The following RBPMS variants were observed in gnomAD, a reference collection of about 807,000 sequenced individuals.
RBPMS encodes the protein RNA binding protein, mRNA processing factor.
RBPMS carries 7 observed loss-of-function variants against 26.8 expected under a neutral mutation model. The ratio of observed to expected loss-of-function variants is 0.26; its 90% confidence interval spans 0.15 to 0.49. The LOEUF (loss-of-function observed/expected upper bound fraction) is 0.49. Ranked by LOEUF, RBPMS falls within the 20% of genes least tolerant of loss-of-function variation. The pLI is 0.98. For synonymous variants in RBPMS, 96 were observed against 93.3 expected, an observed-to-expected ratio of 1.03 and a Z score of -0.17; for missense variants, 186 against 250.0, an observed-to-expected ratio of 0.74 and a Z score of 1.73.
chr8:30,518,686 A>ATTTTTTTTTTTT (rs1563402271), intron 5 of RBPMS, among the ~76,000 whole-genome samples: 1 of 8,106 alleles, frequency 1.2e-4, no homozygotes. Context: ...GCCAAGCATG[A>ATTTTTTTTTTTT]CTTTTTTTTT....
chr8:30,514,985 C>A (rs549720595), intron 5 of RBPMS, among the ~76,000 whole-genome samples: 5 of 151,934 alleles, frequency 3.3e-5, no homozygotes, highest in Admixed American at 2.6e-4. Flanking sequence ...TTTTAAAAAT[C>A]TTTTTTAGTT....
intron 1 of RBPMS, among the ~76,000 whole-genome samples, chr8:30,423,776 C>T (rs1411642214): frequency 2.6e-5 from 4 of 151,294 alleles, no homozygotes; most frequent in African/African-American, 4.9e-5. Flanking sequence ...CAGGATGGTG[C>T]GGGGGTTTAA....
chr8:30,540,008 G>T (rs79744572), intron 5 of RBPMS, among the ~76,000 whole-genome samples: 64 of 152,156 alleles, frequency 4.2e-4, no homozygotes, highest in Non-Finnish European at 7.6e-4. Flanking sequence ...TGCCGTCCAG[G>T]AGGTAACTGC....
At chr8:30,461,799 G>A (rs1220662027) in intron 1 of RBPMS, among the ~76,000 whole-genome samples, 1 of 152,158 alleles carries the variant, frequency 6.6e-6, no homozygotes, top group African/African-American at 2.4e-5. Context: ...CAATCAAGAA[G>A]TTGATATAAT....
intron 1 of RBPMS, among the ~76,000 whole-genome samples, chr8:30,459,541 C>CTGGT (rs1294125020): frequency 6.6e-6 from 1 of 152,160 alleles, no homozygotes; most frequent in Non-Finnish European, 1.5e-5. Flanking sequence ...GTCTTCCCAC[C>CTGGT]TGGTGTTCGG....
chr8:30,414,713 A>G (rs1554508101), intron 1 of RBPMS, among the ~76,000 whole-genome samples: 1 of 151,870 alleles, frequency 6.6e-6, no homozygotes, highest in Non-Finnish European at 1.5e-5. Context: ...TTTTTTTCTG[A>G]TTAATAATAA....
At chr8:30,555,840 G>A (rs1243933342) in intron 6 of RBPMS, 16 of 978,330 alleles carry the variant, frequency 1.6e-5, no homozygotes, top group Admixed American at 6.1e-5. Flanking sequence ...CAAGCAGCCC[G>A]AATGGGGCTA....
At chr8:30,477,943 T>A (rs991929510) in intron 3 of RBPMS, 106 bp downstream of exon 3, 14 of 777,958 alleles carry the variant, frequency 1.8e-5, no homozygotes, top group Middle Eastern at 2.5e-4. Context: ...TGAGGGGTTT[T>A]TTGTCTTTAA....
At chr8:30,416,454 C>T (rs1484337652) in intron 1 of RBPMS, among the ~76,000 whole-genome samples, 2 of 151,776 alleles carry the variant, frequency 1.3e-5, no homozygotes, top group African/African-American at 4.8e-5. Flanking sequence ...GTCTCAGCCT[C>T]CCTAGTAACA....
intron 5 of RBPMS, among the ~76,000 whole-genome samples, chr8:30,518,034 T>C (rs1822539312): frequency 6.6e-6 from 1 of 152,212 alleles, no homozygotes; most frequent in Non-Finnish European, 1.5e-5. Context: ...TTAGGAAATC[T>C]AGATACCATT....
chr8:30,553,495 G>A (rs989765212), intron 6 of RBPMS: 2 of 152,256 alleles, frequency 1.3e-5, no homozygotes, highest in African/African-American at 2.4e-5. Context: ...AGAGCTTGCT[G>A]TAATGGCCTA....
intron 4 of RBPMS, among the ~76,000 whole-genome samples, chr8:30,487,887 T>G (rs1563366758): frequency 6.6e-6 from 1 of 152,144 alleles, no homozygotes; most frequent in East Asian, 1.9e-4. Flanking sequence ...GATAACATTT[T>G]GAAAAACCAA....
intron 5 of RBPMS, among the ~76,000 whole-genome samples, chr8:30,539,445 T>C (rs1055909814): frequency 2.0e-5 from 3 of 152,142 alleles, no homozygotes; most frequent in African/African-American, 7.2e-5. Flanking sequence ...TTATAAGTTA[T>C]CTGTGAGACC....
intron 1 of RBPMS, among the ~76,000 whole-genome samples, chr8:30,418,600 G>T (rs1290463144): frequency 1.3e-5 from 2 of 151,684 alleles, no homozygotes; most frequent in East Asian, 1.9e-4. Context: ...ATTTTTCGAG[G>T]CAGGGTCTCA....
rs754816373 is a variant in RBPMS at position 30,547,301 on chromosome 8, C to G, written c.528+2677C>G. 47 of 1,604,240 alleles carry G rather than the reference C, an allele frequency of 2.9e-5. 2 individuals carry two copies. In the South Asian group the frequency reaches 5.1e-4, roughly 17 times the overall value. On this transcript the variant is annotated intron_variant, in intron 6 of 8. Coordinates refer to ENST00000397323, the MANE Select transcript of RBPMS (RefSeq NM_001008710.3). ...TTTTTTTTTCTTCTAGTGTTTCTCT[C>G]CTGAGGCAAAGCCCAACACACCTGT...
intron 1 of RBPMS, among the ~76,000 whole-genome samples, chr8:30,463,788 C>T (rs1227830083): frequency 2.0e-5 from 3 of 152,188 alleles, no homozygotes; most frequent in Admixed American, 6.5e-5. Context: ...ATTTGAATCC[C>T]AGCAGACTCC....
chr8:30,564,831 GC>G (rs1487361611), intron 7 of RBPMS: 1 of 147,820 alleles, frequency 6.8e-6, no homozygotes, highest in Non-Finnish European at 1.5e-5. Context: ...ACCTCCCCCC[GC>G]CCAGGTAAAC....
chr8:30,393,026 C>G (rs926085999), intron 1 of RBPMS, among the ~76,000 whole-genome samples: 2 of 151,790 alleles, frequency 1.3e-5, no homozygotes, highest in Non-Finnish European at 2.9e-5. Context: ...GAAAGAGATA[C>G]AAAATTTAGT....
intron 1 of RBPMS, among the ~76,000 whole-genome samples, chr8:30,386,547 T>TA (rs758072064): frequency 2.6e-5 from 4 of 152,242 alleles, no homozygotes; most frequent in Non-Finnish European, 4.4e-5. Context: ...GTTTTCTAAT[T>TA]ACAATTGTAG....
Sources: gnomAD v4.1 joint callset for allele counts (sites outside exome capture counted in the v4.1 genomes callset) on GRCh38, gnomAD v4.1.1 for gene constraint, MANE v1.5 for transcripts, NCBI Gene and HGNC (gene_info 2026-07-23, HGNC 2026-07-21) for gene names.